LRMDA: variants seen among roughly 807,000 people sequenced by gnomAD.
LRMDA encodes the protein leucine-rich melanocyte differentiation-associated protein.
A neutral mutation model predicts 29.8 loss-of-function variants in LRMDA; 18 were observed. The ratio of observed to expected loss-of-function variants is 0.60; its 90% CI spans 0.42 to 0.90. The LOEUF is 0.90. Among genes scored for constraint, LRMDA ranks in the 40% least tolerant of loss-of-function variants. The pLI is 0.00. For synonymous variants in LRMDA, 125 were observed against 109.4 expected, an observed-to-expected ratio of 1.14 and a Z score of -0.89; for missense variants, 273 against 273.9, an observed-to-expected ratio of 1.00 and a Z score of 0.02.
chr10:75,502,393 A>G lies in LRMDA; in HGVS notation c.131+63899A>G, dbSNP rs79676184. 3.0e-3 allele frequency among the ~76,000 whole-genome samples: 450 copies of G among 152,066 alleles called. 4 individuals are homozygous for G. Among genetic ancestry groups the G allele is most frequent in the African/African-American group, 0.01 (423 of 41,476 alleles). On this transcript the variant is annotated intron_variant, in intron 2 of 6. Transcript: ENST00000611255. ...GGATTATTGTTGACCCAACCAGTCC[A>G]GAGAACAAGTTATATACCTTTTTGC...
chr10:76,205,479 T>G (rs1851517305), intron 5 of LRMDA, among the ~76,000 whole-genome samples: 1 of 151,982 alleles, frequency 6.6e-6, no homozygotes, highest in South Asian at 2.1e-4. Flanking sequence ...ATCCAAAGAG[T>G]TGCTCAGTGA....
At chr10:76,226,242 GGA>G (rs1042736649) in intron 5 of LRMDA, among the ~76,000 whole-genome samples, 1 of 152,094 alleles carries the variant, frequency 6.6e-6, no homozygotes, top group Admixed American at 6.5e-5. Context: ...CAAGGCAGCA[GGA>G]GAGAGAAGTG....
rs1437708474 is a variant in LRMDA at position 76,500,310 on chromosome 10, T to C, written c.602-56899T>C. ...TTGACAATTTGATCTATTTCTGTCC[T>C]TCTATTCATATTATTGAAAATATAA... On this transcript the variant is annotated intron_variant, in intron 6 of 6. Transcript: ENST00000611255. Among the ~76,000 whole-genome samples, 2 of 76,214 alleles carry C rather than the reference T, an allele frequency of 2.6e-5. 1 individual carries two copies. The highest frequency in any genetic ancestry group is 5.0e-4 in the East Asian group (2 of 4,040). The allele number at this position is 76,214 out of a possible 152,430, so 50.0% of individuals were successfully genotyped here.
intron 2 of LRMDA, among the ~76,000 whole-genome samples, chr10:75,944,568 T>G (rs1349794142): frequency 6.6e-6 from 1 of 151,700 alleles, no homozygotes; most frequent in African/African-American, 2.4e-5. Context: ...TAAAATACTC[T>G]CATAGGTCAC....
chr10:75,693,809 A>G (rs1441988042), intron 2 of LRMDA, among the ~76,000 whole-genome samples: 2 of 152,210 alleles, frequency 1.3e-5, no homozygotes, highest in African/African-American at 4.8e-5. Flanking sequence ...TAGCTCTGGC[A>G]AGGATTTGAA....
intron 2 of LRMDA, among the ~76,000 whole-genome samples, chr10:75,470,236 C>T (rs1178009098): frequency 5.3e-5 from 8 of 152,212 alleles, no homozygotes; most frequent in Non-Finnish European, 8.8e-5. Flanking sequence ...GTGGCTCACA[C>T]CTGTAATCCC....
intron 2 of LRMDA, among the ~76,000 whole-genome samples, chr10:75,552,785 T>TGAAA (rs1840168875): frequency 6.6e-6 from 1 of 152,012 alleles, no homozygotes; most frequent in African/African-American, 2.4e-5. Flanking sequence ...GGATCATTTC[T>TGAAA]ACTCACCTAT....
chr10:76,404,657 G>A (rs189355485), intron 6 of LRMDA, among the ~76,000 whole-genome samples: 15 of 152,090 alleles, frequency 9.9e-5, no homozygotes, highest in South Asian at 4.1e-4. Flanking sequence ...TGGCTCAATC[G>A]TTTCTTTCCT....
At chr10:76,000,853 A>T (rs1019135219) in intron 2 of LRMDA, among the ~76,000 whole-genome samples, 3 of 152,074 alleles carry the variant, frequency 2.0e-5, no homozygotes, top group African/African-American at 7.2e-5. Context: ...ATGGAAGAGG[A>T]TGCTTGGTGT....
At chr10:75,901,282 A>G (rs917606424) in intron 2 of LRMDA, among the ~76,000 whole-genome samples, 2 of 151,892 alleles carry the variant, frequency 1.3e-5, no homozygotes, top group South Asian at 2.1e-4. Flanking sequence ...TTGTCTTTTT[A>G]AGATTTCACT....
intron 2 of LRMDA, among the ~76,000 whole-genome samples, chr10:75,903,640 G>C (rs1165473869): frequency 2.6e-5 from 4 of 152,220 alleles, no homozygotes; most frequent in Non-Finnish European, 4.4e-5. Context: ...AAAAATGCCA[G>C]AGCCTCGAGA....
At chr10:76,383,415 C>CTTTTTTTTT (rs1157185768) in intron 6 of LRMDA, among the ~76,000 whole-genome samples, 1 of 87,266 alleles carries the variant, frequency 1.1e-5, no homozygotes, top group Non-Finnish European at 2.1e-5. Flanking sequence ...AATGTCTTTT[C>CTTTTTTTTT]TTTTTTTTTT....
chr10:75,919,418 C>T (rs1399665797), intron 2 of LRMDA, among the ~76,000 whole-genome samples: 1 of 151,932 alleles, frequency 6.6e-6, no homozygotes. Flanking sequence ...TTTTATTCAG[C>T]TCAGTGCCAT....
intron 6 of LRMDA, among the ~76,000 whole-genome samples, chr10:76,384,080 G>T (rs1293198278): frequency 6.6e-6 from 1 of 151,378 alleles, no homozygotes; most frequent in African/African-American, 2.4e-5. Flanking sequence ...TCCTTAATCT[G>T]TCCTGTTCAC....
chr10:76,119,430 G>A (rs77968582), intron 5 of LRMDA, among the ~76,000 whole-genome samples: 204 of 151,912 alleles, frequency 1.3e-3, no homozygotes, highest in African/African-American at 4.8e-3. Context: ...AAACTGCAGG[G>A]GCTTTTTATT....
chr10:75,788,487 C>T (rs1013220260), intron 2 of LRMDA, among the ~76,000 whole-genome samples: 1 of 152,202 alleles, frequency 6.6e-6, no homozygotes, highest in African/African-American at 2.4e-5. Flanking sequence ...CATTTTTATG[C>T]AGGGACTTAT....
intron 6 of LRMDA, among the ~76,000 whole-genome samples, chr10:76,350,817 G>C (rs959145977): frequency 1.3e-5 from 2 of 152,128 alleles, no homozygotes; most frequent in African/African-American, 4.8e-5. Context: ...TCACTTTGTA[G>C]TGTCATGATT....
At chr10:76,167,946 G>C (rs765238268) in intron 5 of LRMDA, among the ~76,000 whole-genome samples, 22 of 151,966 alleles carry the variant, frequency 1.4e-4, no homozygotes, top group Non-Finnish European at 2.9e-4. Context: ...GTGTTTTGTA[G>C]TTATCCTTTT....
At chr10:75,768,904 A>C (rs1843203256) in intron 2 of LRMDA, among the ~76,000 whole-genome samples, 1 of 152,216 alleles carries the variant, frequency 6.6e-6, no homozygotes, top group African/African-American at 2.4e-5. Context: ...TCACCTAGAC[A>C]TCTCCTGTTT....
Sources: allele counts gnomAD v4.1 joint callset (sites outside exome capture counted in the v4.1 genomes callset), GRCh38; gene constraint gnomAD v4.1.1; transcripts MANE v1.5; gene names NCBI Gene and HGNC (gene_info 2026-07-23, HGNC 2026-07-21).